ANKS1B: variants seen among roughly 807,000 people sequenced by gnomAD.
ANKS1B encodes ankyrin repeat and sterile alpha motif domain containing 1B.
ANKS1B carries 36 observed loss-of-function variants against 148.3 expected under a neutral mutation model. That is an observed-to-expected ratio of 0.24 (90% CI 0.19 to 0.32). The LOEUF is 0.32. ANKS1B is among the 10% of genes least tolerant of loss of function. ANKS1B has a pLI of 1.00. For synonymous variants in ANKS1B, 542 were observed against 560.8 expected, an observed-to-expected ratio of 0.97 and a Z score of 0.47; for missense variants, 1,157 against 1,542.6, an observed-to-expected ratio of 0.75 and a Z score of 4.19.
chr12:99,881,102 C>G (rs1409394437), intron 1 of ANKS1B, among the ~76,000 whole-genome samples: 6 of 152,134 alleles, frequency 3.9e-5, no homozygotes, highest in Admixed American at 3.9e-4. Context: ...TAGTATCCCC[C>G]AGTCTGGTGT....
At chr12:99,886,523 C>G (rs987100139) in intron 1 of ANKS1B, among the ~76,000 whole-genome samples, 4 of 152,172 alleles carry the variant, frequency 2.6e-5, no homozygotes, top group African/African-American at 9.6e-5. Context: ...CTTCCTCACC[C>G]TGTATATATA....
chr12:99,353,034 G>A (rs960376518), intron 12 of ANKS1B, among the ~76,000 whole-genome samples: 1 of 151,940 alleles, frequency 6.6e-6, no homozygotes, highest in Non-Finnish European at 1.5e-5. Context: ...ATCCCCACAA[G>A]TTTCACTGTA....
intron 1 of ANKS1B, among the ~76,000 whole-genome samples, chr12:99,958,696 A>G (rs1185743479): frequency 2.0e-5 from 3 of 152,100 alleles, no homozygotes; most frequent in African/African-American, 7.2e-5. Context: ...CTATTGATAT[A>G]TTTCTAAGTC....
intron 15 of ANKS1B, among the ~76,000 whole-genome samples, chr12:99,102,793 G>C (rs973995856): frequency 2.0e-5 from 3 of 152,032 alleles, no homozygotes; most frequent in Non-Finnish European, 4.4e-5. Flanking sequence ...GGGCATGGTG[G>C]TTCACACTGT....
At chr12:99,718,056 A>G (rs2057609249) in intron 8 of ANKS1B, among the ~76,000 whole-genome samples, 1 of 151,122 alleles carries the variant, frequency 6.6e-6, no homozygotes, top group South Asian at 2.1e-4. Flanking sequence ...GGCGCCCGCT[A>G]CCACGCCCGG....
At chr12:99,181,161 G>A (rs997389146) in intron 14 of ANKS1B, among the ~76,000 whole-genome samples, 8 of 151,904 alleles carry the variant, frequency 5.3e-5, no homozygotes, top group African/African-American at 1.7e-4. Context: ...AAATAAATTC[G>A]TTATGCTTTT....
intron 12 of ANKS1B, among the ~76,000 whole-genome samples, chr12:99,359,376 C>T (rs1387893577): frequency 6.6e-6 from 1 of 151,860 alleles, no homozygotes; most frequent in Non-Finnish European, 1.5e-5. Context: ...CATTATTCTC[C>T]AGGGTTCATT....
intron 9 of ANKS1B, among the ~76,000 whole-genome samples, chr12:99,622,872 A>G (rs2098071044): frequency 6.6e-6 from 1 of 151,956 alleles, no homozygotes; most frequent in African/African-American, 2.4e-5. Flanking sequence ...TCAAAAAGGA[A>G]CACTGCTGCC....
At chr12:99,270,957 A>G (rs1420652646) in intron 12 of ANKS1B, among the ~76,000 whole-genome samples, 1 of 152,234 alleles carries the variant, frequency 6.6e-6, no homozygotes, top group Non-Finnish European at 1.5e-5. Context: ...AATAAAAGTT[A>G]TAATCCATTT....
intron 8 of ANKS1B, among the ~76,000 whole-genome samples, chr12:99,758,165 C>T (rs2061744126): frequency 6.6e-6 from 1 of 151,890 alleles, no homozygotes; most frequent in Non-Finnish European, 1.5e-5. Flanking sequence ...CAGAAAGTCT[C>T]ATCTGGCAGT....
chr12:98,932,897 C>T (rs1284388158), intron 17 of ANKS1B, among the ~76,000 whole-genome samples: 1 of 152,134 alleles, frequency 6.6e-6, no homozygotes, highest in Admixed American at 6.6e-5. Context: ...CTGCCAATCT[C>T]CTTAAAGTTA....
Position 99,001,366 on chromosome 12 carries a change from C to T in ANKS1B, c.2778+51791G>A, listed in dbSNP as rs117483006. 9.8e-3 allele frequency among the ~76,000 whole-genome samples: 1,484 copies of T among 152,134 alleles called. 11 individuals carry two copies. The highest frequency in any genetic ancestry group is 0.014 in the Non-Finnish European group (948 of 67,994). On this transcript the variant is annotated intron_variant, in intron 17 of 26. Transcript: ENST00000683438. ...ATGATCTCAAACTCTTAGACTGAAG[C>T]GATCCTCCTGTCTCAGCCTCCTAAA...
chr12:99,875,211 A>T (rs973236604), intron 1 of ANKS1B, among the ~76,000 whole-genome samples: 2 of 152,158 alleles, frequency 1.3e-5, no homozygotes, highest in African/African-American at 4.8e-5. Context: ...AAAAGAATAA[A>T]TGCAGTGATG....
intron 1 of ANKS1B, among the ~76,000 whole-genome samples, chr12:99,974,596 G>A (rs919088215): frequency 1.3e-5 from 2 of 152,050 alleles, no homozygotes; most frequent in African/African-American, 4.8e-5. Context: ...AATTAGCCAG[G>A]CATGGTGGTT....
chr12:99,128,889 A>G (rs1483674640), intron 15 of ANKS1B, among the ~76,000 whole-genome samples: 1 of 152,222 alleles, frequency 6.6e-6, no homozygotes, highest in Non-Finnish European at 1.5e-5. Context: ...AAGCCAAAAG[A>G]CAGAACATCC....
intron 8 of ANKS1B, among the ~76,000 whole-genome samples, chr12:99,678,494 A>G (rs893449313): frequency 5.3e-5 from 8 of 152,154 alleles, no homozygotes; most frequent in African/African-American, 1.7e-4. Flanking sequence ...CTTGGAACAA[A>G]TGTCACAGAT....
chr12:99,052,034 A>G (rs1413206044), intron 17 of ANKS1B, among the ~76,000 whole-genome samples: 1 of 152,230 alleles, frequency 6.6e-6, no homozygotes, highest in Non-Finnish European at 1.5e-5. Flanking sequence ...ATCATTTACT[A>G]TAAAACTAAA....
intron 9 of ANKS1B, among the ~76,000 whole-genome samples, chr12:99,642,356 A>T (rs527368529): frequency 1.7e-5 from 2 of 121,142 alleles, no homozygotes; most frequent in African/African-American, 5.5e-5. Context: ...TTCTGTAGCT[A>T]TTGTATCTGT....
At chr12:99,405,788 CAAGA>C (rs2094518277) in intron 11 of ANKS1B, among the ~76,000 whole-genome samples, 1 of 143,342 alleles carries the variant, frequency 7.0e-6, no homozygotes, top group Non-Finnish European at 1.5e-5. Context: ...CTATTGCCTG[CAAGA>C]AATACACTTC....
Sources: gnomAD v4.1 joint callset for allele counts (sites outside exome capture counted in the v4.1 genomes callset) on GRCh38, gnomAD v4.1.1 for gene constraint, MANE v1.5 for transcripts, NCBI Gene and HGNC (gene_info 2026-07-23, HGNC 2026-07-21) for gene names.